The following PRPF19 variants were observed in gnomAD, a reference collection of about 807,000 sequenced individuals.
PRPF19 encodes the protein pre-mRNA processing factor 19.
A neutral mutation model predicts 64.2 loss-of-function variants in PRPF19; 2 were observed. The ratio of observed to expected loss-of-function variants is 0.03; its 90% CI spans 0.01 to 0.10. The LOEUF is 0.10. PRPF19 is among the 10% of genes least tolerant of loss of function. The pLI is 1.00. For missense variants in PRPF19, 314 were observed against 650.0 expected, an observed-to-expected ratio of 0.48 and a Z score of 5.62; for synonymous variants, 226 against 251.6, an observed-to-expected ratio of 0.90 and a Z score of 0.96.
Position 60,901,442 on chromosome 11 carries a change from A to G in PRPF19, c.567+57T>C, listed in dbSNP as rs376653778. On this transcript the variant is annotated intron_variant, in intron 7 of 15. Transcript: ENST00000227524. ...TTCAGCCGCCCTCTCTCTCCTAAGG[A>G]GTCAACCGCCTCCCACCAGGCCAGC... 4 of 1,613,744 alleles carry G rather than the reference A, an allele frequency of 2.5e-6. No homozygotes were observed. The African/African-American group carries it at 5.3e-5, about 22-fold the overall frequency.
chr11:60,900,493 C>T, intron 10 of PRPF19, 89 bp downstream of exon 10: 1 of 1,102,074 alleles, frequency 9.1e-7, no homozygotes, highest in East Asian at 2.6e-5. Context: ...AGCTCTTTCC[C>T]AGCCCCACTT....
In PRPF19 at chr11:60,902,387, TGA is replaced by T. The variant is rs753734191; in HGVS notation, c.525+14_525+15del. 8 of 1,611,626 alleles carry T rather than the reference TGA, an allele frequency of 5.0e-6. No homozygotes were observed. In the African/African-American group the frequency reaches 1.1e-4, roughly 22 times the overall value. On this transcript the variant is annotated intron_variant, in intron 6 of 15. Transcript: ENST00000227524. This position sits in a 1 kb window ranked among gnomAD's most constrained non-coding sequence, Gnocchi z 5.0. ...AGGGCCCATCAGCACTCCCACCAGG[TGA>T]GAGCAGGACTTACCTTCTGAATAAT...
intron 15 of PRPF19, among the ~76,000 whole-genome samples, chr11:60,894,975 G>A (rs1001525970): frequency 6.6e-6 from 1 of 152,216 alleles, no homozygotes; most frequent in Non-Finnish European, 1.5e-5. Context: ...CAGATGTGTT[G>A]TCATCCAGAC....
At chr11:60,901,215 G>T in intron 8 of PRPF19, 80 bp downstream of exon 8, 1 of 1,462,464 alleles carries the variant, frequency 6.8e-7, no homozygotes, top group Non-Finnish European at 9.5e-7. Context: ...TCTGCACTCA[G>T]CACTCCCCAT....
intron 15 of PRPF19, among the ~76,000 whole-genome samples, chr11:60,894,591 T>C (rs1027402350): frequency 2.6e-5 from 4 of 152,122 alleles, no homozygotes; most frequent in African/African-American, 4.8e-5. Context: ...GGCTGAAGGG[T>C]TGGAATCAAT....
At chr11:60,901,248 C>A (rs918616549) in intron 8 of PRPF19, 47 bp downstream of exon 8, 1 of 1,603,380 alleles carries the variant, frequency 6.2e-7, no homozygotes, top group Non-Finnish European at 8.5e-7. Context: ...ACCCCAGAAA[C>A]AAAACGGGAG....
chr11:60,902,746 G>T lies in PRPF19; in HGVS notation c.382C>A (p.Arg128=). 1 of 1,614,190 alleles carries T rather than the reference G, an allele frequency of 6.2e-7. No individual in the cohort carries two copies. Among genetic ancestry groups the T allele is most frequent in the Non-Finnish European group, 8.5e-7 (1 of 1,180,038 alleles). Residue 128 remains arginine, a synonymous_variant, in exon 4 of 16, where the codon CGA becomes AGA. Coordinates refer to ENST00000227524, the MANE Select transcript of PRPF19 (RefSeq NM_014502.5). The surrounding 1 kb of genome is among the most constrained non-coding windows in gnomAD (Gnocchi z 5.0). The part of the protein sequence containing the change: ...ARLTKEVTAA[R]EALATLKPQA... ...GGCAGGGGAGAGGCTGCACCTTCTC[G>T]GGCAGCAGTGACTTCCTTGGTGAGA...
rs1424581484 is a variant in PRPF19 at position 60,892,461 on chromosome 11, C to G, written c.1418-1198G>C. 2.0e-5 allele frequency among the ~76,000 whole-genome samples: 3 copies of G among 152,216 alleles called. No homozygotes were observed. The East Asian group carries it at 5.8e-4, about 29-fold the overall frequency. ...GACCTATGTATTCACAGACGGTCCC[C>G]GATTTACCATGGTTCAACTTGCAAT... On this transcript the variant is annotated intron_variant, in intron 15 of 15. Transcript: ENST00000227524.
chr11:60,891,870 G>T (rs554835751), intron 15 of PRPF19, among the ~76,000 whole-genome samples: 1 of 152,300 alleles, frequency 6.6e-6, no homozygotes, highest in Admixed American at 6.5e-5. Context: ...GGTGAAAACC[G>T]GTGAGCCATA....
intron 3 of PRPF19, 123 bp from the exon 4 acceptor site, chr11:60,903,004 A>C: frequency 6.9e-7 from 1 of 1,443,600 alleles, no homozygotes; most frequent in Non-Finnish European, 9.2e-7. Context: ...CAGTGACCCA[A>C]ACAATATCCG....
intron 1 of PRPF19, among the ~76,000 whole-genome samples, chr11:60,904,638 A>T: frequency 1.5e-5 from 1 of 68,718 alleles, no homozygotes; most frequent in South Asian, 5.7e-4. Context: ...GTTTATTGTA[A>T]AGGATATTAC....
At position 60,900,679 on chromosome 11, in the gene PRPF19, T is replaced by C. The variant is rs1395605276; in HGVS notation, c.731A>G (p.Lys244Arg). ...ACTTTTGTCAAACACAACGACATTTTTATCCGCCCCACCTGGAGAAGACCC... is the reference window on the plus strand; with the variant it reads ...ACTTTTGTCAAACACAACGACATTTCTATCCGCCCCACCTGGAGAAGACCC... ...TNKILTGGAD[K>R]NVVVFDKSSE... Residue 244 changes from lysine (K) to arginine (R), a missense_variant, in exon 10 of 16, where the codon AAA (lysine) becomes AGA (arginine). Coordinates refer to ENST00000227524, the MANE Select transcript of PRPF19 (RefSeq NM_014502.5). 1 of 1,559,258 alleles carries C rather than the reference T, an allele frequency of 6.4e-7. No homozygotes were observed. The highest frequency in any genetic ancestry group is 2.4e-5 in the East Asian group (1 of 42,000).
chr11:60,893,443 G>A (rs1164970849), intron 15 of PRPF19, among the ~76,000 whole-genome samples: 2 of 151,784 alleles, frequency 1.3e-5, no homozygotes, highest in Non-Finnish European at 2.9e-5. Context: ...GGCGGAGGTT[G>A]CAGTGAGCCA....
chr11:60,906,396 T>C lies in PRPF19; in HGVS notation c.-14A>G, dbSNP rs17155470. 621,497 of 1,576,624 alleles carry C rather than the reference T, an allele frequency of 0.39. 123,376 individuals are homozygous for C. The highest frequency in any genetic ancestry group is 0.42 in the Admixed American group (23,638 of 55,702). On this transcript the variant is annotated 5_prime_UTR_variant, in exon 1 of 16. Transcript: ENST00000227524. ...GATTAGGGACATGGCGCCGTCACCG[T>C]GCTCCGAGGCGCCACACGCCGGGCT...
Position 60,890,868 on chromosome 11 carries a change from GCCA to G in PRPF19, c.*295_*297del, listed in dbSNP as rs1047935853. On this transcript the variant is annotated 3_prime_UTR_variant, in exon 16 of 16. Transcript: ENST00000227524. ...ACTGCAACAAAATGGGTGTGGAACAGCCACCACCACGTCCATTGAACGACAGGA... is the reference window on the plus strand; with the variant it reads ...ACTGCAACAAAATGGGTGTGGAACAGCCACCACGTCCATTGAACGACAGGA... The G allele has an allele frequency of 4.1e-5, 22 of 539,280 alleles. No homozygotes were observed. The highest frequency in any genetic ancestry group is 3.8e-4 in the Admixed American group (17 of 45,020). 33.4% of individuals were successfully genotyped at this position (539,280 alleles called of 1,614,324 possible).
At chr11:60,904,328 C>T (rs752658315) in intron 1 of PRPF19, among the ~76,000 whole-genome samples, 5 of 152,226 alleles carry the variant, frequency 3.3e-5, no homozygotes, top group Non-Finnish European at 5.9e-5. Context: ...GAATAACAAA[C>T]TCAGTTTCTC....
intron 15 of PRPF19, among the ~76,000 whole-genome samples, chr11:60,896,379 G>A (rs1006284102): frequency 6.6e-6 from 1 of 152,220 alleles, no homozygotes; most frequent in African/African-American, 2.4e-5. Context: ...AGACAGTGAT[G>A]TTGGTGCTAT....
intron 8 of PRPF19, among the ~76,000 whole-genome samples, 173 bp from the exon 9 acceptor site, chr11:60,901,102 G>T (rs1489879816): frequency 6.6e-6 from 1 of 152,060 alleles, no homozygotes; most frequent in African/African-American, 2.4e-5. Flanking sequence ...CTCCCTCACT[G>T]CATCACTAGG....
At position 60,899,179 on chromosome 11, in the gene PRPF19, G is replaced by A. The variant is rs147483370; in HGVS notation, c.954C>T (p.Gly318=). Residue 318 remains glycine (G), a synonymous_variant, in exon 11 of 16, where the codon GGC becomes GGT. Transcript: ENST00000227524. ...AVTGLSLHAT[G]DYLLSSSDDQ... is the part of the protein sequence containing the mutation. ...CATCGGAGGAGCTCAGGAGATAGTC[G>A]CCAGTGGCATGAAGGCTGAGGCCTG... The A allele has an allele frequency of 6.8e-3, 10,928 of 1,613,470 alleles. 48 individuals are homozygous for A. The highest frequency in any genetic ancestry group is 8.0e-3 in the Non-Finnish European group (9,420 of 1,179,726).
Sources: gnomAD v4.1 joint callset for allele counts (sites outside exome capture counted in the v4.1 genomes callset) on GRCh38, gnomAD v4.1.1 for gene constraint, Gnocchi (gnomAD v3.1) non-coding constraint, MANE v1.5 for transcripts, NCBI Gene and HGNC (gene_info 2026-07-23, HGNC 2026-07-21) for gene names.